The following IMPG2 variants were observed in gnomAD, a reference collection of about 807,000 sequenced individuals.
The protein encoded by IMPG2 is interphotoreceptor matrix proteoglycan 2, also known as IPM 200.
A neutral mutation model predicts 129.2 loss-of-function variants in IMPG2; 91 were observed. The observed-to-expected ratio is 0.70, with a 90% CI of 0.59 to 0.84. The LOEUF (loss-of-function observed/expected upper bound fraction) is 0.84, where lower values mean the gene tolerates loss of function less well. Among genes scored for constraint, IMPG2 ranks in the 40% least tolerant of loss-of-function variants. The pLI, the probability that IMPG2 is intolerant of heterozygous loss-of-function variation, is 0.00. For synonymous variants in IMPG2, 510 were observed against 517.7 expected (o/e 0.99, Z 0.20); for missense variants, 1,430 against 1,461.7 (o/e 0.98, Z 0.35).
At chr3:101,320,233 A>G in intron 1 of IMPG2, 55 bp downstream of exon 1, 1 of 1,012,396 alleles carries the variant, frequency 9.9e-7, no homozygotes, top group Non-Finnish European at 1.5e-6. Flanking sequence ...CCTATTTTTG[A>G]AGAACATATA....
intron 4 of IMPG2, among the ~76,000 whole-genome samples, chr3:101,286,561 C>A (rs1388419099): frequency 6.6e-6 from 1 of 152,174 alleles, no homozygotes; most frequent in Non-Finnish European, 1.5e-5. Flanking sequence ...CATTCAAGTG[C>A]ATATCAGTAC....
chr3:101,246,408 T>C (rs1422697652), intron 11 of IMPG2, among the ~76,000 whole-genome samples: 1 of 152,168 alleles, frequency 6.6e-6, no homozygotes, highest in Non-Finnish European at 1.5e-5. Flanking sequence ...CTTTAGATGG[T>C]TCATTTTCCT....
chr3:101,311,868 T>C (rs1218518273), intron 2 of IMPG2, among the ~76,000 whole-genome samples: 2 of 152,086 alleles, frequency 1.3e-5, no homozygotes, highest in African/African-American at 2.4e-5. Flanking sequence ...TGGAATACAA[T>C]TGAGAGTCCA....
intron 11 of IMPG2, among the ~76,000 whole-genome samples, chr3:101,249,954 C>T (rs1007007265): frequency 6.6e-6 from 1 of 152,062 alleles, no homozygotes; most frequent in Admixed American, 6.6e-5. Context: ...TCCTATAGTG[C>T]ATTCCTATAG....
intron 4 of IMPG2, among the ~76,000 whole-genome samples, chr3:101,289,955 T>C (rs768709646): frequency 3.3e-5 from 5 of 150,476 alleles, no homozygotes; most frequent in African/African-American, 2.4e-5. Context: ...AGATGGATGA[T>C]AATGCCATTC....
In IMPG2 at chr3:101,231,043, A is replaced by C; in HGVS notation, c.3336T>G (p.Leu1112=). Residue 1112 remains leucine (L), a synonymous_variant, in exon 16 of 19, where the codon CTT becomes CTG. Transcript: ENST00000193391. Reference sequence around the variant, plus strand: ...AGATGATAGCAGAAAAGATGACAAGAAGTCCAACCACGGAGGCAATAGTGA... The same window carrying C: ...AGATGATAGCAGAAAAGATGACAAGCAGTCCAACCACGGAGGCAATAGTGA... ...IGITIASVVG[L]LVIFSAIIYF... The C allele has an allele frequency of 6.2e-7, 1 of 1,614,186 alleles. No individual in the cohort carries two copies. The highest frequency in any genetic ancestry group is 1.1e-5 in the South Asian group (1 of 91,080).
chr3:101,293,559 T>C (rs1045130196), intron 3 of IMPG2, among the ~76,000 whole-genome samples: 11 of 152,184 alleles, frequency 7.2e-5, no homozygotes, highest in Non-Finnish European at 1.5e-4. Flanking sequence ...GCATGGTAAA[T>C]AAGTATTGCC....
chr3:101,269,466 G>T, intron 8 of IMPG2, 49 bp downstream of exon 8: 1 of 1,015,012 alleles, frequency 9.9e-7, no homozygotes, highest in Non-Finnish European at 1.6e-6. Flanking sequence ...ATTCCATTCA[G>T]AATAAAGAAT....
In IMPG2 at chr3:101,246,090, C is replaced by T; in HGVS notation, c.1255G>A (p.Ala419Thr). The T allele has an allele frequency of 6.2e-7, 1 of 1,613,916 alleles. No individual in the cohort carries two copies. Residue 419 changes from alanine to threonine, a missense_variant, in exon 12 of 19, where the codon GCT becomes ACT. Ala to Thr is a moderately conservative substitution (Grantham distance 58). Transcript: ENST00000193391. ...PSSILDNTFQ[A>T]AWPSADESIT... ...GATTCATCTGCTGAGGGCCATGCAG[C>T]TTGAAAGGTATTATCCTGGGGGGAA...
intron 14 of IMPG2, among the ~76,000 whole-genome samples, chr3:101,233,756 T>A (rs970568268): frequency 2.0e-5 from 3 of 152,156 alleles, no homozygotes; most frequent in Non-Finnish European, 4.4e-5. Flanking sequence ...AATGGTAATC[T>A]GTGAATGGTA....
chr3:101,242,645 A>T, intron 14 of IMPG2, 43 bp downstream of exon 14: 1 of 1,353,738 alleles, frequency 7.4e-7, no homozygotes, highest in Non-Finnish European at 1.1e-6. Flanking sequence ...AAGAATAATC[A>T]CTGGATTCTA....
chr3:101,273,823 C>A, intron 6 of IMPG2, 81 bp from the exon 7 acceptor site: 1 of 1,347,066 alleles, frequency 7.4e-7, no homozygotes, highest in South Asian at 1.2e-5. Flanking sequence ...TTCAATGTGT[C>A]AGAACTGTGC....
rs776556623 is a variant in IMPG2, at chr3:101,319,552, T to C, written c.334+32A>G. On this transcript the variant is annotated intron_variant, in intron 2 of 18. Transcript: ENST00000193391. ...TGATTAAACTATGTTTGAATTTCAT[T>C]ATGGAGCTGAAGGATTTGGATGTTC... The C allele has an allele frequency of 9.4e-5, 151 of 1,611,676 alleles. No homozygotes were observed. The East Asian group carries it at 3.2e-3, about 34-fold the overall frequency.
intron 9 of IMPG2, among the ~76,000 whole-genome samples, chr3:101,258,230 T>A (rs912293746): frequency 1.3e-5 from 2 of 152,138 alleles, no homozygotes; most frequent in Admixed American, 6.6e-5. Context: ...TAGTTATTTA[T>A]TGTGGTAGGA....
In IMPG2 at chr3:101,223,948, GGC is replaced by G. The variant is rs1231045282; in HGVS notation, c.*3019_*3020del. ...GAGGTCAGGAGTTTGAGACCAGGCT[GGC>G]CAACATGGTGACGGTGAAACCCCAT... On this transcript the variant is annotated 3_prime_UTR_variant, in exon 19 of 19. Coordinates refer to ENST00000193391, the MANE Select transcript of IMPG2 (RefSeq NM_016247.4). The G allele has an allele frequency of 2.0e-5, 3 of 152,226 alleles. No homozygotes were observed. The highest frequency in any genetic ancestry group is 2.9e-5 in the Non-Finnish European group (2 of 68,076). 9.4% of individuals were successfully genotyped at this position (152,226 alleles called of 1,614,324 possible). A position where few individuals can be genotyped will look rare whatever the true frequency, so the allele number is the denominator to read the frequency against.
chr3:101,296,833 A>G (rs1392177165), intron 3 of IMPG2, among the ~76,000 whole-genome samples: 8 of 152,116 alleles, frequency 5.3e-5, no homozygotes. Context: ...CCAGGAATTT[A>G]TCCGTGTCTT....
At chr3:101,291,367 T>C in intron 4 of IMPG2, 112 bp downstream of exon 4, 1 of 928,580 alleles carries the variant, frequency 1.1e-6, no homozygotes, top group South Asian at 1.3e-5. Flanking sequence ...GCCTGGTCAT[T>C]GCGAACTGGC....
intron 13 of IMPG2, 26 bp downstream of exon 13, chr3:101,243,503 G>A: frequency 6.2e-7 from 1 of 1,604,172 alleles, no homozygotes. Flanking sequence ...ATTCACTAGT[G>A]CCCATGTTTC....
At chr3:101,232,749 C>T (rs185852996) in intron 15 of IMPG2, 32 bp downstream of exon 15, 34 of 1,592,210 alleles carry the variant, frequency 2.1e-5, no homozygotes, top group Non-Finnish European at 2.9e-5. Context: ...TATCTATAGC[C>T]TCTAAAGTCA....
Sources: allele counts gnomAD v4.1 joint callset (sites outside exome capture counted in the v4.1 genomes callset), GRCh38; gene constraint gnomAD v4.1.1; transcripts MANE v1.5; gene names NCBI Gene and HGNC (gene_info 2026-07-23, HGNC 2026-07-21).